Variants in NUP214 observed in about 807,000 individuals in gnomAD.
NUP214 encodes the protein nucleoporin 214, also known as nuclear pore complex protein Nup214.
In NUP214, 79 loss-of-function variants were observed where a neutral mutation model predicts 196.2. The ratio of observed to expected loss-of-function variants is 0.40; its 90% CI spans 0.34 to 0.49. The LOEUF (loss-of-function observed/expected upper bound fraction) is 0.49. Ranked by LOEUF, NUP214 falls within the 20% of genes least tolerant of loss-of-function variation. The pLI is 0.58. For synonymous variants in NUP214, 1,020 were observed against 990.5 expected, an observed-to-expected ratio of 1.03 and a Z score of -0.56; for missense variants, 2,468 against 2,539.0, an observed-to-expected ratio of 0.97 and a Z score of 0.60.
chr9:131,201,665 C>T lies in NUP214; in HGVS notation c.5540C>T (p.Thr1847Ile), dbSNP rs767404451. 7.4e-6 allele frequency: 12 copies of T among 1,613,816 alleles called. No homozygotes were observed. The South Asian group carries it at 9.9e-5, about 13-fold the overall frequency. The change falls in exon 30 of 36, where the codon ACT becomes ATT. Residue 1847 changes from threonine (T) to isoleucine (I), a missense_variant. Transcript: ENST00000359428. Reference sequence around the variant, plus strand: ...TTTACAGGTTTTGGGTCTAGTAATACTGGTTCTGTGTTTGGTCAAGCAGCC... The same window carrying T: ...TTTACAGGTTTTGGGTCTAGTAATATTGGTTCTGTGTTTGGTCAAGCAGCC... ...CQASGFGSSN[T>I]GSVFGQAAST...
chr9:131,181,575 C>G (rs886746127), intron 24 of NUP214, among the ~76,000 whole-genome samples: 1 of 152,184 alleles, frequency 6.6e-6, no homozygotes, highest in Non-Finnish European at 1.5e-5. Context: ...TTGCATTTCC[C>G]TAATGGCTGG....
chr9:131,223,735 T>A (rs11244327), intron 32 of NUP214, among the ~76,000 whole-genome samples: 232 of 13,138 alleles, frequency 0.018, 21 homozygotes, highest in South Asian at 0.052. Flanking sequence ...TTATTTTTTT[T>A]TTTTTTTTTT....
chr9:131,185,009 T>C (rs905056109), intron 24 of NUP214, among the ~76,000 whole-genome samples: 1 of 152,262 alleles, frequency 6.6e-6, no homozygotes, highest in African/African-American at 2.4e-5. Flanking sequence ...GATTAAGATT[T>C]ACCAAAATAA....
chr9:131,201,361 G>A (rs576540282), intron 29 of NUP214, among the ~76,000 whole-genome samples: 83 of 151,568 alleles, frequency 5.5e-4, no homozygotes, highest in Non-Finnish European at 9.0e-4. Context: ...AGCCGAGATC[G>A]CGCCACTGCA....
At chr9:131,205,592 A>G (rs1834053458) in intron 30 of NUP214, among the ~76,000 whole-genome samples, 1 of 152,236 alleles carries the variant, frequency 6.6e-6, no homozygotes, top group African/African-American at 2.4e-5. Context: ...CCAAATGCTT[A>G]TGAGCTAAAG....
intron 24 of NUP214, among the ~76,000 whole-genome samples, chr9:131,181,563 A>G (rs1833278715): frequency 6.6e-6 from 1 of 152,018 alleles, no homozygotes; most frequent in African/African-American, 2.4e-5. Context: ...AGTGGTTTTG[A>G]TTTGCATTTC....
intron 11 of NUP214, 38 bp from the exon 12 acceptor site, chr9:131,144,242 C>T (rs1358022018): frequency 6.8e-7 from 1 of 1,465,578 alleles, no homozygotes; most frequent in Non-Finnish European, 9.5e-7. Context: ...TCCACTGTTA[C>T]AGTGTTAACA....
chr9:131,159,144 C>G, intron 17 of NUP214: 1 of 497,930 alleles, frequency 2.0e-6, no homozygotes, highest in East Asian at 3.5e-5. Context: ...TAACTCCTGG[C>G]TTCAAGCAGT....
chr9:131,201,807 C>G (rs1029622911), intron 30 of NUP214, 90 bp downstream of exon 30: 26 of 1,099,898 alleles, frequency 2.4e-5, no homozygotes, highest in Non-Finnish European at 2.8e-5. Flanking sequence ...TGTTGTATAT[C>G]TAAATCCAGC....
Position 131,198,163 on chromosome 9 carries a change from A to G in NUP214, c.4669A>G (p.Ser1557Gly), listed in dbSNP as rs754044837. 6.2e-7 allele frequency: 1 copy of G among 1,614,190 alleles called. No individual in the cohort carries two copies. The change falls in exon 29 of 36, where the codon AGT becomes GGT. Residue 1557 changes from serine to glycine, a missense_variant. Around this residue, in one of 5 missense-constraint regions of NUP214, gnomAD observed 1,801 missense variants for 1,779.4 expected, o/e 1.01. Coordinates refer to ENST00000359428, the MANE Select transcript of NUP214 (RefSeq NM_005085.4). ...AVSNSGTAASSTSLVALSAEA... is the reference protein window; with the variant it reads ...AVSNSGTAASGTSLVALSAEA... ...CAGCAACTCTGGCACTGCAGCATCT[A>G]GTACTAGTCTTGTAGCACTTTCTGC...
intron 33 of NUP214, chr9:131,229,728 G>A (rs1227472846): frequency 1.9e-6 from 1 of 518,914 alleles, no homozygotes; most frequent in African/African-American, 1.9e-5. Context: ...CCCAAGGCAG[G>A]AGGAGGAAGG....
intron 17 of NUP214, among the ~76,000 whole-genome samples, chr9:131,156,804 T>G (rs1451441101): frequency 6.6e-6 from 1 of 152,128 alleles, no homozygotes; most frequent in African/African-American, 2.4e-5. Flanking sequence ...TCTTTATCAG[T>G]TTGGACGCGC....
intron 31 of NUP214, among the ~76,000 whole-genome samples, chr9:131,221,918 T>G (rs1281334631): frequency 1.3e-5 from 2 of 152,086 alleles, no homozygotes; most frequent in Middle Eastern, 6.3e-3. Context: ...CTGCTGTGTA[T>G]GTGGACTTTG....
chr9:131,131,956 T>A (rs918283887), intron 5 of NUP214, among the ~76,000 whole-genome samples: 7 of 152,170 alleles, frequency 4.6e-5, no homozygotes, highest in Non-Finnish European at 8.8e-5. Flanking sequence ...TCCAAAGTGC[T>A]GGGATTACAG....
intron 9 of NUP214, chr9:131,136,553 C>A (rs1434653259): frequency 6.6e-6 from 1 of 152,420 alleles, no homozygotes; most frequent in South Asian, 2.1e-4. Flanking sequence ...TCTGCCTTGT[C>A]CTGTTTTGTC....
rs192230435 is a variant in NUP214, at chr9:131,206,955, G to T, written c.5592+5238G>T. Among the ~76,000 whole-genome samples, 811 of 152,274 alleles carry T rather than the reference G, an allele frequency of 5.3e-3. 4 individuals carry two copies. The highest frequency in any genetic ancestry group is 8.8e-3 in the Non-Finnish European group (598 of 68,016). On this transcript the variant is annotated intron_variant, in intron 30 of 35. Transcript: ENST00000359428. ...TGAAATCAAGGTTTTTTCTATGATG[G>T]CAGGGGCCTTATTGTTTTTATTGAT...
At chr9:131,161,405 C>T (rs894028674) in intron 18 of NUP214, among the ~76,000 whole-genome samples, 16 of 151,924 alleles carry the variant, frequency 1.1e-4, no homozygotes, top group Non-Finnish European at 8.8e-5. Flanking sequence ...ATTACAGGTG[C>T]GTGCCACCAC....
chr9:131,231,645 A>G (rs1194797611), intron 34 of NUP214, among the ~76,000 whole-genome samples: 1 of 152,006 alleles, frequency 6.6e-6, no homozygotes, highest in Non-Finnish European at 1.5e-5. Flanking sequence ...AAAAAAAAAA[A>G]AGGCATAGAA....
intron 21 of NUP214, among the ~76,000 whole-genome samples, chr9:131,166,698 C>T (rs1832794988): frequency 6.6e-6 from 1 of 152,074 alleles, no homozygotes; most frequent in Non-Finnish European, 1.5e-5. Context: ...TTGCATACCC[C>T]AGTTTTCCTT....
Sources: allele counts gnomAD v4.1 joint callset (sites outside exome capture counted in the v4.1 genomes callset), GRCh38; gene constraint gnomAD v4.1.1; regional missense constraint gnomAD v4.1.1; transcripts MANE v1.5; gene names NCBI Gene and HGNC (gene_info 2026-07-23, HGNC 2026-07-21).